Variants in GRIN2A observed in about 807,000 individuals in gnomAD.
The protein encoded by GRIN2A is glutamate receptor ionotropic, NMDA 2A.
Under a neutral mutation model 113.4 loss-of-function variants are expected in GRIN2A, and 22 were observed. The observed-to-expected ratio is 0.19, with a 90% confidence interval of 0.14 to 0.28. The LOEUF is 0.28. Ranked by LOEUF, GRIN2A falls within the 10% of genes least tolerant of loss-of-function variation. The pLI is 1.00. For synonymous variants in GRIN2A, 827 were observed against 738.4 expected, an observed-to-expected ratio of 1.12 and a Z score of -1.94; for missense variants, 1,502 against 1,887.0, an observed-to-expected ratio of 0.80 and a Z score of 3.78.
intron 11 of GRIN2A, among the ~76,000 whole-genome samples, chr16:9,780,791 A>G (rs181605029): frequency 6.6e-6 from 1 of 152,386 alleles, no homozygotes; most frequent in East Asian, 1.9e-4. Context: ...TGAGGTAATA[A>G]TAAGGAAAGT....
chr16:10,139,776 G>C (rs1041234304), intron 2 of GRIN2A, among the ~76,000 whole-genome samples: 1 of 152,224 alleles, frequency 6.6e-6, no homozygotes, highest in Non-Finnish European at 1.5e-5. Context: ...CACTGATTTG[G>C]TCTGTATCAG....
At chr16:9,963,734 T>C (rs4782108) in intron 2 of GRIN2A, among the ~76,000 whole-genome samples, 26,340 of 152,200 alleles carry the variant, frequency 0.17, 2,452 homozygotes, top group Non-Finnish European at 0.2. Flanking sequence ...CCTCTGTATA[T>C]TTATTGAGAA....
rs9929439 is a variant in GRIN2A, at chr16:10,018,090, G to A, written c.415-79539C>T. ...GATACGTGGCTTTCCAATTTTCTAC[G>A]ATGAGAGTAGTTACTTTTACATTTA... On this transcript the variant is annotated intron_variant, in intron 2 of 12. Transcript: ENST00000330684. Among the ~76,000 whole-genome samples, 617 of 152,200 alleles carry A rather than the reference G, an allele frequency of 4.1e-3. 4 individuals carry two copies. The highest frequency in any genetic ancestry group is 0.014 in the African/African-American group (562 of 41,520).
chr16:10,028,213 G>C (rs551407727), intron 2 of GRIN2A, among the ~76,000 whole-genome samples: 1 of 152,302 alleles, frequency 6.6e-6, no homozygotes, highest in East Asian at 1.9e-4. Flanking sequence ...TTTCAAAGAC[G>C]AGCAACCTGG....
chr16:9,986,306 A>G (rs1260246190), intron 2 of GRIN2A, among the ~76,000 whole-genome samples: 1 of 152,254 alleles, frequency 6.6e-6, no homozygotes, highest in African/African-American at 2.4e-5. Context: ...AAGTGAAAAC[A>G]AAATGTATAT....
intron 10 of GRIN2A, among the ~76,000 whole-genome samples, chr16:9,818,658 A>G (rs2042228308): frequency 6.6e-6 from 1 of 152,252 alleles, no homozygotes. Context: ...GCTCTTAAGT[A>G]TATAAATATG....
intron 3 of GRIN2A, among the ~76,000 whole-genome samples, chr16:9,914,072 G>C (rs2044194994): frequency 6.7e-6 from 1 of 150,352 alleles, no homozygotes; most frequent in African/African-American, 2.5e-5. Context: ...TTGATTTGGA[G>C]AGAACTAGAA....
chr16:9,773,723 A>G (rs991431001), intron 11 of GRIN2A, among the ~76,000 whole-genome samples: 1 of 152,156 alleles, frequency 6.6e-6, no homozygotes, highest in African/African-American at 2.4e-5. Context: ...CTTTGCGCCC[A>G]TGGGAACTTG....
At chr16:10,068,704 G>C (rs2047694832) in intron 2 of GRIN2A, among the ~76,000 whole-genome samples, 1 of 152,180 alleles carries the variant, frequency 6.6e-6, no homozygotes, top group South Asian at 2.1e-4. Context: ...TATTGGGAGA[G>C]GCAGATAATA....
intron 2 of GRIN2A, among the ~76,000 whole-genome samples, chr16:10,062,003 G>T (rs1210771116): frequency 6.6e-6 from 1 of 152,190 alleles, no homozygotes; most frequent in Non-Finnish European, 1.5e-5. Flanking sequence ...GAAACCATTT[G>T]CTCAGTGCCT....
Position 9,941,073 on chromosome 16 carries a change from T to C in GRIN2A, c.415-2522A>G, listed in dbSNP as rs567248393. Among the ~76,000 whole-genome samples the C allele has an allele frequency of 3.7e-4, 56 of 152,332 alleles. No homozygotes were observed. The South Asian group carries it at 0.012, about 32-fold the overall frequency. On this transcript the variant is annotated intron_variant, in intron 2 of 12. Transcript: ENST00000330684. ...CCAGTCACCAGAGTTACCTTCTGAC[T>C]GCAAAAGGTGGTGGATCAGCATCTT...
At chr16:10,046,108 C>T (rs1220442116) in intron 2 of GRIN2A, among the ~76,000 whole-genome samples, 1 of 152,112 alleles carries the variant, frequency 6.6e-6, no homozygotes, top group Admixed American at 6.5e-5. Context: ...AGCCCCATTG[C>T]CTTAGCCAGT....
chr16:9,870,801 C>T (rs993501301), intron 4 of GRIN2A, among the ~76,000 whole-genome samples: 1 of 151,958 alleles, frequency 6.6e-6, no homozygotes, highest in Non-Finnish European at 1.5e-5. Context: ...CCATGCCTGG[C>T]TAATTTTTTG....
rs184618473 is a variant in GRIN2A at position 9,853,788 on chromosome 16, G to A, written c.1123-3827C>T. Among the ~76,000 whole-genome samples the A allele has an allele frequency of 1.2e-3, 175 of 151,858 alleles. 2 individuals are homozygous for A. The highest frequency in any genetic ancestry group is 1.8e-3 in the Non-Finnish European group (123 of 67,976). On this transcript the variant is annotated intron_variant, in intron 4 of 12. Coordinates refer to ENST00000330684, the MANE Select transcript of GRIN2A (RefSeq NM_001134407.3). ...GAGTAGAATCATATAATGAACCTCCGTATTCCCAATGTCCAGCTTCAATAA... is the reference window on the plus strand; with the variant it reads ...GAGTAGAATCATATAATGAACCTCCATATTCCCAATGTCCAGCTTCAATAA...
At chr16:9,914,734 T>C (rs1455053557) in intron 3 of GRIN2A, among the ~76,000 whole-genome samples, 1 of 151,752 alleles carries the variant, frequency 6.6e-6, no homozygotes, top group Non-Finnish European at 1.5e-5. Flanking sequence ...CTATAACAGC[T>C]TAATCACCTG....
At chr16:9,961,727 C>A (rs2045446658) in intron 2 of GRIN2A, among the ~76,000 whole-genome samples, 1 of 152,108 alleles carries the variant, frequency 6.6e-6, no homozygotes. Flanking sequence ...GATTCAATGC[C>A]ATCCCCATCA....
chr16:9,879,935 C>T (rs1035008047), intron 4 of GRIN2A, among the ~76,000 whole-genome samples: 2 of 152,348 alleles, frequency 1.3e-5, no homozygotes, highest in Non-Finnish European at 2.9e-5. Context: ...CATTTAAATT[C>T]TAGCATAGTC....
intron 3 of GRIN2A, among the ~76,000 whole-genome samples, chr16:9,936,838 G>A (rs564923500): frequency 3.9e-4 from 59 of 152,284 alleles, no homozygotes; most frequent in East Asian, 1.4e-3. Context: ...TCCCCAAAGC[G>A]TAACATGTTG....
intron 2 of GRIN2A, among the ~76,000 whole-genome samples, chr16:10,072,945 C>CA (rs1567278503): frequency 1.6e-4 from 15 of 96,034 alleles, no homozygotes; most frequent in Non-Finnish European, 3.2e-4. Flanking sequence ...GACAAGACCC[C>CA]CTTTTTTTTT....
Sources: allele counts gnomAD v4.1 joint callset (sites outside exome capture counted in the v4.1 genomes callset), GRCh38; gene constraint gnomAD v4.1.1; transcripts MANE v1.5; gene names NCBI Gene and HGNC (gene_info 2026-07-23, HGNC 2026-07-21).